Variants in AKR1E2 observed in about 807,000 individuals in gnomAD.
AKR1E2 encodes aldo-keto reductase family 1 member E2.
Under a neutral mutation model 41.9 loss-of-function variants are expected in AKR1E2, and 43 were observed. That is an observed-to-expected ratio of 1.03 (90% CI 0.80 to 1.32). The LOEUF is 1.32. Ranked by LOEUF, AKR1E2 falls within the 40% of genes most tolerant of loss-of-function variation. The pLI, the probability that AKR1E2 is intolerant of heterozygous loss-of-function variation, is 0.00. For missense variants in AKR1E2, 423 were observed against 396.5 expected, an observed-to-expected ratio of 1.07 and a Z score of -0.57; for synonymous variants, 121 against 138.9, an observed-to-expected ratio of 0.87 and a Z score of 0.91.
chr10:4,845,479 CA>C, intron 8 of AKR1E2, among the ~76,000 whole-genome samples: 1 of 26,030 alleles, frequency 3.8e-5, no homozygotes, highest in African/African-American at 6.2e-5. Flanking sequence ...TGTCACCCCT[CA>C]ATGGGGGCTG....
At chr10:4,828,097 G>C (rs1452811244) in intron 1 of AKR1E2, among the ~76,000 whole-genome samples, 1 of 152,156 alleles carries the variant, frequency 6.6e-6, no homozygotes, top group African/African-American at 2.4e-5. Context: ...TCCGTTATCT[G>C]TTGCCCCAGA....
chr10:4,829,594 T>G (rs1433333800), intron 1 of AKR1E2, among the ~76,000 whole-genome samples: 1 of 152,124 alleles, frequency 6.6e-6, no homozygotes, highest in Non-Finnish European at 1.5e-5. Context: ...TTTTCTCTTT[T>G]TTTTGAATTC....
chr10:4,849,682 T>C (rs1388539440), downstream of AKR1E2, among the ~76,000 whole-genome samples: 1 of 152,202 alleles, frequency 6.6e-6, no homozygotes, highest in Non-Finnish European at 1.5e-5. Flanking sequence ...GGAATGAGTC[T>C]CAGCGCTCCA....
At chr10:4,862,220 T>C in the AKR1E2 span, among the ~76,000 whole-genome samples, 1 of 152,232 alleles carries the variant, frequency 6.6e-6, no homozygotes, top group South Asian at 2.1e-4. Flanking sequence ...TTGTCAGGTT[T>C]GTCAAAGATC....
At position 4,830,017 on chromosome 10, in the gene AKR1E2, T is replaced by C. The variant is rs1437149199; in HGVS notation, c.40-658T>C. Among the ~76,000 whole-genome samples the C allele has an allele frequency of 2.0e-5, 3 of 152,228 alleles. No individual in the cohort carries two copies. The East Asian group carries it at 5.8e-4, about 29-fold the overall frequency. ...CACTCTGAATCTGTTGCCTATAAAA[T>C]GAAGATAATTATGCTGCTCTAACTC... On this transcript the variant is annotated intron_variant, in intron 1 of 9. Coordinates refer to ENST00000298375, the MANE Select transcript of AKR1E2 (RefSeq NM_001040177.3).
At chr10:4,844,263 G>A (rs896527269) in intron 8 of AKR1E2, among the ~76,000 whole-genome samples, 3 of 151,970 alleles carry the variant, frequency 2.0e-5, no homozygotes, top group South Asian at 4.2e-4. Flanking sequence ...TTAAGGTGGC[G>A]CGTCTGGAGT....
upstream of AKR1E2, chr10:4,825,030 C>T (rs1832370171): frequency 2.2e-6 from 1 of 455,640 alleles, no homozygotes; most frequent in Non-Finnish European, 4.4e-6. Context: ...TAACTTGCCC[C>T]GTGCACAGGT....
the AKR1E2 span, among the ~76,000 whole-genome samples, chr10:4,855,986 T>G: frequency 1.3e-5 from 2 of 152,176 alleles, no homozygotes; most frequent in Non-Finnish European, 2.9e-5. Flanking sequence ...TTACCTGAAC[T>G]TCTGTCTGCT....
chr10:4,858,607 G>A, the AKR1E2 span, among the ~76,000 whole-genome samples: 1 of 152,108 alleles, frequency 6.6e-6, no homozygotes, highest in Non-Finnish European at 1.5e-5. Flanking sequence ...AATGCCTAAG[G>A]TTCAATAGAA....
chr10:4,847,695 T>A lies in AKR1E2; in HGVS notation c.*165T>A, dbSNP rs1834432494. 1 of 766,942 alleles carries A rather than the reference T, an allele frequency of 1.3e-6. No individual in the cohort carries two copies. Among genetic ancestry groups the A allele is most frequent in the African/African-American group, 1.7e-5 (1 of 57,296 alleles). 47.5% of individuals were successfully genotyped at this position (766,942 alleles called of 1,614,324 possible). On this transcript the variant is annotated 3_prime_UTR_variant, in exon 10 of 10. Transcript: ENST00000298375. ...ACCTTCTCTGACAAATCTGGAGAAT[T>A]GAGTGTGTTCTAAGTGAAGGCAATG... is the stretch of plus-strand genomic sequence containing the variant.
chr10:4,866,577 C>T, the AKR1E2 span, among the ~76,000 whole-genome samples: 7 of 151,424 alleles, frequency 4.6e-5, no homozygotes, highest in African/African-American at 1.2e-4. Context: ...TGCAGGAGAC[C>T]GGTGTTTTAT....
At chr10:4,830,515 T>C (rs898275253) in intron 1 of AKR1E2, among the ~76,000 whole-genome samples, 160 bp from the exon 2 acceptor site, 11 of 152,224 alleles carry the variant, frequency 7.2e-5, no homozygotes, top group Admixed American at 7.2e-4. Flanking sequence ...CATAAATTCC[T>C]TCATAACTGA....
At chr10:4,835,602 G>A in intron 3 of AKR1E2, 73 bp from the exon 4 acceptor site, 2 of 1,526,338 alleles carry the variant, frequency 1.3e-6, no homozygotes, top group East Asian at 2.4e-5. Context: ...CTTGGATGCA[G>A]GTCTCCTGAC....
At chr10:4,840,803 C>T (rs1441795325) in intron 6 of AKR1E2, among the ~76,000 whole-genome samples, 7 of 152,192 alleles carry the variant, frequency 4.6e-5, no homozygotes, top group Non-Finnish European at 1.0e-4. Flanking sequence ...AGGAAGCCCT[C>T]CTGACCCCTT....
At chr10:4,837,895 A>G (rs1208315596) in intron 5 of AKR1E2, among the ~76,000 whole-genome samples, 1 of 152,238 alleles carries the variant, frequency 6.6e-6, no homozygotes, top group Admixed American at 6.5e-5. Context: ...TTATCCAGGA[A>G]CATGGGCCTC....
In AKR1E2 at chr10:4,833,480, G is replaced by A; in HGVS notation, c.324+14G>A. ...ATGGGTTTCAAGGTACCGTTCAGTA[G>A]GTAGTTCGTTCTGCAGTTTGCAGGA... On this transcript the variant is annotated intron_variant, in intron 3 of 9. Transcript: ENST00000298375. 6.2e-7 allele frequency: 1 copy of A among 1,605,776 alleles called. No individual in the cohort carries two copies. Among genetic ancestry groups the A allele is most frequent in the South Asian group, 1.1e-5 (1 of 90,898 alleles).
intron 8 of AKR1E2, among the ~76,000 whole-genome samples, chr10:4,845,049 G>A (rs898896592): frequency 2.8e-4 from 43 of 152,178 alleles, no homozygotes; most frequent in African/African-American, 8.9e-4. Flanking sequence ...TGCAGGTCCC[G>A]AGCCCTGCCC....
the AKR1E2 span, among the ~76,000 whole-genome samples, chr10:4,859,386 AG>A: frequency 6.6e-6 from 1 of 152,186 alleles, no homozygotes; most frequent in Non-Finnish European, 1.5e-5. Context: ...AGAGGCAGGG[AG>A]GAAGACATGG....
At chr10:4,843,786 C>A (rs1365839286) in intron 8 of AKR1E2, among the ~76,000 whole-genome samples, 2 of 152,220 alleles carry the variant, frequency 1.3e-5, no homozygotes, top group Non-Finnish European at 2.9e-5. Flanking sequence ...AGCACTCTCC[C>A]TGCCGGGCCC....
Sources: allele counts gnomAD v4.1 joint callset (sites outside exome capture counted in the v4.1 genomes callset), GRCh38; gene constraint gnomAD v4.1.1; transcripts MANE v1.5; gene names NCBI Gene and HGNC (gene_info 2026-07-23, HGNC 2026-07-21).